VPS13A: variants seen among roughly 807,000 people sequenced by gnomAD.
VPS13A encodes the protein intermembrane lipid transfer protein VPS13A.
In VPS13A, 264 loss-of-function variants were observed where a neutral mutation model predicts 390.9. The observed-to-expected ratio is 0.68, with a 90% CI of 0.61 to 0.75. The LOEUF is 0.75. VPS13A is among the 30% of genes least tolerant of loss of function. The pLI, the probability that VPS13A is intolerant of heterozygous loss-of-function variation, is 0.00. For synonymous variants in VPS13A, 1,231 were observed against 1,227.1 expected (o/e 1.00, Z -0.07); for missense variants, 3,409 against 3,733.9 (o/e 0.91, Z 2.27).
chr9:77,269,431 A>G (rs1384972009), intron 23 of VPS13A, among the ~76,000 whole-genome samples: 2 of 152,142 alleles, frequency 1.3e-5, no homozygotes, highest in Non-Finnish European at 2.9e-5. Flanking sequence ...TTGATATCAT[A>G]CTGTCTTAAT....
chr9:77,324,702 T>G (rs1249144602), intron 45 of VPS13A, among the ~76,000 whole-genome samples: 2 of 152,160 alleles, frequency 1.3e-5, no homozygotes, highest in Admixed American at 1.3e-4. Context: ...TTTCTTTTCT[T>G]GAATCTTGCT....
At position 77,339,604 on chromosome 9, in the gene VPS13A, A is replaced by G; in HGVS notation, c.6467A>G (p.Lys2156Arg). Residue 2156 changes from lysine to arginine, a missense_variant, in exon 48 of 72, where the codon AAA (lysine) becomes AGA (arginine). Around this residue, in one of 5 missense-constraint regions of VPS13A, gnomAD observed 2,717 missense variants for 2,917.4 expected, o/e 0.93. Coordinates refer to ENST00000360280, the MANE Select transcript of VPS13A (RefSeq NM_033305.3). ...AQLGKARLHLKLLDYLNHDWK... is the reference protein window; with the variant it reads ...AQLGKARLHLRLLDYLNHDWK... ...TTGGGTAAAGCCAGGCTACATTTAA[A>G]ATTACTTGACTATCTCAATCACGAT... 1 of 1,611,568 alleles carries G rather than the reference A, an allele frequency of 6.2e-7. No individual in the cohort carries two copies. Among genetic ancestry groups the G allele is most frequent in the Non-Finnish European group, 8.5e-7 (1 of 1,178,528 alleles).
intron 8 of VPS13A, 29 bp from the exon 9 acceptor site, chr9:77,213,205 A>G (rs1564634680): frequency 6.2e-7 from 1 of 1,601,082 alleles, no homozygotes; most frequent in Non-Finnish European, 8.6e-7. Flanking sequence ...TTCAAAGAAA[A>G]TGAGACATCT....
At chr9:77,317,728 T>G (rs1829484666) in intron 40 of VPS13A, 30 bp downstream of exon 40, 1 of 1,507,398 alleles carries the variant, frequency 6.6e-7, no homozygotes, top group African/African-American at 1.4e-5. Context: ...TTTGAATATT[T>G]AGTGCACTTA....
intron 58 of VPS13A, 144 bp from the exon 59 acceptor site, chr9:77,360,392 C>A: frequency 3.2e-6 from 2 of 619,662 alleles, no homozygotes; most frequent in Non-Finnish European, 5.7e-6. Context: ...TAACAGTGTT[C>A]CATGATTTTT....
At chr9:77,401,328 GTTGTGTGTGT>G (rs1834383233) in intron 68 of VPS13A, among the ~76,000 whole-genome samples, 2 of 95,166 alleles carry the variant, frequency 2.1e-5, no homozygotes, top group South Asian at 7.7e-4. Flanking sequence ...ATCACATGAA[GTTGTGTGTGT>G]GTGTGTGTGT....
At chr9:77,206,199 T>A in intron 5 of VPS13A, 120 bp downstream of exon 5, 2 of 750,360 alleles carry the variant, frequency 2.7e-6, no homozygotes, top group South Asian at 1.7e-5. Context: ...TATGATAGAA[T>A]CTCATTGCAT....
chr9:77,243,673 G>A (rs1004755691), intron 19 of VPS13A, among the ~76,000 whole-genome samples: 1 of 152,036 alleles, frequency 6.6e-6, no homozygotes, highest in Non-Finnish European at 1.5e-5. Context: ...TATATCAAGA[G>A]CCTAATCTAT....
At chr9:77,350,481 T>C (rs1831391994) in intron 52 of VPS13A, among the ~76,000 whole-genome samples, 1 of 152,188 alleles carries the variant, frequency 6.6e-6, no homozygotes, top group Non-Finnish European at 1.5e-5. Flanking sequence ...TAAAGATTTG[T>C]GGATAGTGTT....
At chr9:77,294,286 C>T (rs1827849890) in intron 32 of VPS13A, among the ~76,000 whole-genome samples, 1 of 152,130 alleles carries the variant, frequency 6.6e-6, no homozygotes, top group Non-Finnish European at 1.5e-5. Context: ...GATTTAACCC[C>T]TATATGACTC....
At chr9:77,315,637 T>A (rs1829339021) in intron 38 of VPS13A, among the ~76,000 whole-genome samples, 167 bp downstream of exon 38, 1 of 145,816 alleles carries the variant, frequency 6.9e-6, no homozygotes, top group Non-Finnish European at 1.5e-5. Context: ...GGATGTATAG[T>A]TTGCATTTTT....
At chr9:77,184,149 T>C (rs1029706179) in intron 1 of VPS13A, among the ~76,000 whole-genome samples, 8 of 152,198 alleles carry the variant, frequency 5.3e-5, no homozygotes, top group Admixed American at 3.3e-4. Context: ...CATACACACA[T>C]GTAACTCAAA....
intron 3 of VPS13A, among the ~76,000 whole-genome samples, chr9:77,204,381 T>TA (rs1825514646): frequency 6.6e-6 from 1 of 152,108 alleles, no homozygotes; most frequent in South Asian, 2.1e-4. Context: ...CAAGAACCCT[T>TA]ACGCTTAAAA....
At chr9:77,408,488 C>T (rs570727661) in intron 71 of VPS13A, among the ~76,000 whole-genome samples, 5 of 152,300 alleles carry the variant, frequency 3.3e-5, no homozygotes, top group South Asian at 2.1e-4. Flanking sequence ...CAAAGTAGGG[C>T]GAGGCATCAC....
intron 68 of VPS13A, among the ~76,000 whole-genome samples, chr9:77,396,963 A>G (rs1289079368): frequency 6.6e-6 from 1 of 152,088 alleles, no homozygotes; most frequent in Admixed American, 6.5e-5. Flanking sequence ...GATAGTATTC[A>G]TTTTTATCTT....
At chr9:77,209,674 T>G (rs1018033496) in intron 6 of VPS13A, 142 bp downstream of exon 6, 1 of 633,300 alleles carries the variant, frequency 1.6e-6, no homozygotes, top group African/African-American at 1.8e-5. Context: ...TTCTTTTCTA[T>G]AATTATAGTT....
intron 17 of VPS13A, among the ~76,000 whole-genome samples, chr9:77,230,776 G>A (rs962998498): frequency 6.6e-6 from 1 of 152,044 alleles, no homozygotes; most frequent in African/African-American, 2.4e-5. Flanking sequence ...ATTTGATAAA[G>A]ATTGTGTTGA....
chr9:77,393,405 G>A (rs759192577), intron 68 of VPS13A, among the ~76,000 whole-genome samples: 12 of 152,096 alleles, frequency 7.9e-5, no homozygotes, highest in South Asian at 2.1e-4. Context: ...TTTTGACCTC[G>A]TCTTATTAAT....
chr9:77,186,586 T>C (rs1824353397), intron 1 of VPS13A, among the ~76,000 whole-genome samples: 1 of 152,066 alleles, frequency 6.6e-6, no homozygotes, highest in African/African-American at 2.4e-5. Flanking sequence ...TACAGATGCA[T>C]GCCACCATGC....
Sources: gnomAD v4.1 joint callset for allele counts (sites outside exome capture counted in the v4.1 genomes callset) on GRCh38, gnomAD v4.1.1 for gene constraint, gnomAD v4.1.1 regional missense constraint, MANE v1.5 for transcripts, NCBI Gene and HGNC (gene_info 2026-07-23, HGNC 2026-07-21) for gene names.